Variants in G3BP2 observed in about 807,000 individuals in gnomAD.
G3BP2 encodes the protein ras GTPase-activating protein-binding protein 2.
A neutral mutation model predicts 56.7 loss-of-function variants in G3BP2; 11 were observed. The observed-to-expected ratio is 0.19, with a 90% CI of 0.12 to 0.32. G3BP2 has a LOEUF of 0.32. Among genes scored for constraint, G3BP2 ranks in the 10% least tolerant of loss-of-function variants. The probability of loss-of-function intolerance (pLI) is 1.00; values close to 1 mark genes in which losing one functional copy is unlikely to be tolerated. For synonymous variants in G3BP2, 165 were observed against 191.6 expected, an observed-to-expected ratio of 0.86 and a Z score of 1.15; for missense variants, 340 against 610.9, an observed-to-expected ratio of 0.56 and a Z score of 4.67.
At chr4:75,678,180 TC>T (rs1460420535), upstream of G3BP2, among the ~76,000 whole-genome samples, 1 of 152,178 alleles carries the variant, frequency 6.6e-6, no homozygotes, top group Admixed American at 6.5e-5. Context: ...TGAGACAGGT[TC>T]TTGCTTTGTC....
At chr4:75,663,347 C>CAGGCT (rs1560621978) in intron 1 of G3BP2, among the ~76,000 whole-genome samples, 3 of 151,472 alleles carry the variant, frequency 2.0e-5, no homozygotes, top group African/African-American at 7.3e-5. Flanking sequence ...GCCTCAACTG[C>CAGGCT]CAGGCTCAGG....
intron 3 of G3BP2, among the ~76,000 whole-genome samples, chr4:75,689,692 T>A (rs191603153): frequency 1.3e-4 from 20 of 152,346 alleles, no homozygotes; most frequent in African/African-American, 4.6e-4. Flanking sequence ...GCTTATTCAA[T>A]AAATCATCTG....
intron 2 of G3BP2, among the ~76,000 whole-genome samples, chr4:75,661,277 T>A (rs556538700): frequency 6.6e-6 from 1 of 152,140 alleles, no homozygotes; most frequent in African/African-American, 2.4e-5. Flanking sequence ...TACAGGCGCC[T>A]GCCACACACC....
At chr4:75,692,010 T>A (rs1718878859) in intron 3 of G3BP2, among the ~76,000 whole-genome samples, 1 of 152,214 alleles carries the variant, frequency 6.6e-6, no homozygotes. Context: ...CTATTTAATC[T>A]CTCGGAACTT....
chr4:75,718,134 C>CAA (rs141677439), intron 3 of G3BP2, among the ~76,000 whole-genome samples: 17 of 144,976 alleles, frequency 1.2e-4, no homozygotes, highest in African/African-American at 2.7e-4. Flanking sequence ...GACTCCGTCG[C>CAA]AAAAAAAAAA....
intron 2 of G3BP2, among the ~76,000 whole-genome samples, chr4:75,660,570 T>TA (rs2148995271): frequency 6.6e-6 from 1 of 152,260 alleles, no homozygotes; most frequent in South Asian, 2.1e-4. Context: ...ATAATATACA[T>TA]ACGTAAAGTA....
Position 75,645,643 on chromosome 4 carries a change from T to TGCA in G3BP2, c.1233_1235dup (p.Ala412dup). On this transcript the variant is annotated inframe_insertion, in exon 12 of 12. Transcript: ENST00000359707. ...CACCACCTCTGGTTTCTCGCTCTCT[T>TGCA]GCAGCTCTTGTTTTTTTCTCTTCCA... 1 of 1,614,050 alleles carries TGCA rather than the reference T, an allele frequency of 6.2e-7. No individual in the cohort carries two copies. The highest frequency in any genetic ancestry group is 8.5e-7 in the Non-Finnish European group (1 of 1,179,980).
chr4:75,713,450 G>A (rs1235411564), intron 3 of G3BP2, among the ~76,000 whole-genome samples: 2 of 152,138 alleles, frequency 1.3e-5, no homozygotes, highest in East Asian at 3.8e-4. Flanking sequence ...CTGTACAATG[G>A]AGAAGACCGG....
intron 3 of G3BP2, among the ~76,000 whole-genome samples, chr4:75,707,117 T>TG (rs1393342354): frequency 1.4e-5 from 2 of 141,056 alleles, no homozygotes; most frequent in Non-Finnish European, 3.0e-5. Context: ...GAAGTTGCAG[T>TG]GAGCCAAGAT....
chr4:75,656,419 A>C (rs1188185241), intron 5 of G3BP2, among the ~76,000 whole-genome samples: 1 of 152,190 alleles, frequency 6.6e-6, no homozygotes, highest in African/African-American at 2.4e-5. Context: ...TCTTTCAGTA[A>C]AAGGAAAAAA....
intron 3 of G3BP2, among the ~76,000 whole-genome samples, chr4:75,699,349 A>T (rs557632573): frequency 2.2e-4 from 33 of 152,234 alleles, no homozygotes; most frequent in Admixed American, 1.9e-3. Context: ...TCCTTTTTGA[A>T]CCCACTTCAA....
intron 1 of G3BP2, 147 bp downstream of exon 1, chr4:75,673,061 T>C: frequency 4.0e-6 from 4 of 1,004,466 alleles, no homozygotes; most frequent in Non-Finnish European, 4.7e-6. Context: ...CACGGCACCG[T>C]AGGGAGCCGG....
intron 1 of G3BP2, among the ~76,000 whole-genome samples, chr4:75,672,027 C>T (rs867346896): frequency 6.6e-6 from 1 of 152,238 alleles, no homozygotes; most frequent in Non-Finnish European, 1.5e-5. Flanking sequence ...ACCTGCAACA[C>T]TAACGTTTGA....
chr4:75,662,952 T>G (rs918333048), intron 1 of G3BP2, among the ~76,000 whole-genome samples: 3 of 152,214 alleles, frequency 2.0e-5, no homozygotes, highest in Admixed American at 6.5e-5. Context: ...AATTTCACCA[T>G]TTTCAAAATG....
chr4:75,685,978 T>C (rs1252925512), intron 3 of G3BP2, among the ~76,000 whole-genome samples: 3 of 152,174 alleles, frequency 2.0e-5, no homozygotes, highest in African/African-American at 7.2e-5. Context: ...AAGGGAAGTG[T>C]GTGCACATAC....
upstream of G3BP2, among the ~76,000 whole-genome samples, chr4:75,677,995 C>T (rs1405042507): frequency 6.6e-6 from 1 of 152,232 alleles, no homozygotes; most frequent in Non-Finnish European, 1.5e-5. Context: ...TTGCCCCTTT[C>T]ACCATGTGAG....
At chr4:75,670,356 CTA>C in intron 1 of G3BP2, 1 of 152,286 alleles carries the variant, frequency 6.6e-6, no homozygotes, top group South Asian at 2.1e-4. Flanking sequence ...CTAAGGAACA[CTA>C]TACCTTTTTA....
upstream of G3BP2, among the ~76,000 whole-genome samples, chr4:75,675,020 G>C (rs1354484112): frequency 6.6e-6 from 1 of 152,034 alleles, no homozygotes; most frequent in Non-Finnish European, 1.5e-5. Context: ...ACCGCACCCG[G>C]CCAGTAGTTG....
chr4:75,658,723 G>A (rs775626608), intron 3 of G3BP2, 120 bp downstream of exon 3: 36 of 717,256 alleles, frequency 5.0e-5, no homozygotes, highest in Non-Finnish European at 5.1e-5. Context: ...GCAAAACTCC[G>A]TCTCAAAAAA....
Sources: allele counts gnomAD v4.1 joint callset (sites outside exome capture counted in the v4.1 genomes callset), GRCh38; gene constraint gnomAD v4.1.1; transcripts MANE v1.5; gene names NCBI Gene and HGNC (gene_info 2026-07-23, HGNC 2026-07-21).